The following CEMIP variants were observed in gnomAD, a reference collection of about 807,000 sequenced individuals.
CEMIP encodes cell migration inducing hyaluronidase 1.
Under a neutral mutation model 156.9 loss-of-function variants are expected in CEMIP, and 105 were observed. The ratio of observed to expected loss-of-function variants is 0.67; its 90% CI spans 0.57 to 0.79. The LOEUF (loss-of-function observed/expected upper bound fraction) is 0.79. Ranked by LOEUF, CEMIP falls within the 30% of genes least tolerant of loss-of-function variation. The pLI is 0.00. For synonymous variants in CEMIP, 676 were observed against 668.4 expected, an observed-to-expected ratio of 1.01 and a Z score of -0.17; for missense variants, 1,457 against 1,769.4, an observed-to-expected ratio of 0.82 and a Z score of 3.17.
Position 80,906,857 on chromosome 15 carries a change from G to C in CEMIP, c.1587+19G>C, listed in dbSNP as rs1899829369. The C allele has an allele frequency of 6.2e-7, 1 of 1,600,318 alleles. No homozygotes were observed. Among genetic ancestry groups the C allele is most frequent in the African/African-American group, 1.3e-5 (1 of 74,754 alleles). On this transcript the variant is annotated intron_variant, in intron 13 of 29. Coordinates refer to ENST00000394685, the MANE Select transcript of CEMIP (RefSeq NM_001293298.2). This position sits in a 1 kb window ranked among gnomAD's most constrained non-coding sequence, Gnocchi z 4.3. ...CATCAAGGTATGTGTCTCTCTGGCA[G>C]AGTCTTTCAACCCAACCAGGAGAGT...
intron 8 of CEMIP, 92 bp downstream of exon 8, chr15:80,887,856 G>A: frequency 1.9e-6 from 2 of 1,068,076 alleles, no homozygotes; most frequent in South Asian, 1.3e-5. Flanking sequence ...TTTTCTCAGA[G>A]CATGGCTTCC....
chr15:80,861,690 G>T (rs905645926), intron 1 of CEMIP, among the ~76,000 whole-genome samples: 5 of 152,218 alleles, frequency 3.3e-5, no homozygotes, highest in Non-Finnish European at 7.3e-5. Context: ...GAAACAAGTA[G>T]GCACACATAG....
intron 1 of CEMIP, among the ~76,000 whole-genome samples, chr15:80,827,361 C>T (rs1039591524): frequency 1.3e-5 from 2 of 152,158 alleles, no homozygotes; most frequent in African/African-American, 4.8e-5. Flanking sequence ...AAGTCAACGA[C>T]CTGCACAGCA....
chr15:80,880,803 G>A, intron 5 of CEMIP, 97 bp from the exon 6 acceptor site: 1 of 963,600 alleles, frequency 1.0e-6, no homozygotes, highest in Non-Finnish European at 1.7e-6. Flanking sequence ...GTGGTGGGGG[G>A]TCAGGGAGCT....
intron 18 of CEMIP, 62 bp from the exon 19 acceptor site, chr15:80,925,562 G>C: frequency 5.0e-6 from 8 of 1,599,832 alleles, no homozygotes; most frequent in Non-Finnish European, 6.8e-6. Flanking sequence ...AGCCCAGAAG[G>C]GAGTCAGCAG....
At chr15:80,795,526 C>T (rs1484336555) in intron 1 of CEMIP, among the ~76,000 whole-genome samples, 3 of 152,044 alleles carry the variant, frequency 2.0e-5, no homozygotes, top group African/African-American at 7.2e-5. Context: ...GTGGGATGAG[C>T]ATCTAGGTGG....
At position 80,942,994 on chromosome 15, in the gene CEMIP, T is replaced by C. The variant is rs749534464; in HGVS notation, c.3749T>C (p.Val1250Ala). ...PSSEDGIQVV[V>A]IDGNQGRVVS... is the part of the protein sequence containing the mutation. ...TCGGAGGATGGCATCCAGGTGGTGG[T>C]GATTGACGGGAACCAAGGGCGCGTG... Residue 1250 changes from valine (V) to alanine (A), a missense_variant, in exon 28 of 30, where the codon GTG (valine) becomes GCG (alanine). By Grantham distance (64) the Val-to-Ala change is moderately conservative. Around this residue, in one of 5 missense-constraint regions of CEMIP, gnomAD observed 798 missense variants for 980.1 expected, o/e 0.81. Coordinates refer to ENST00000394685, the MANE Select transcript of CEMIP (RefSeq NM_001293298.2). 2.5e-6 allele frequency: 4 copies of C among 1,614,164 alleles called. No homozygotes were observed. In the Admixed American group the frequency reaches 5.0e-5, roughly 20 times the overall value.
intron 19 of CEMIP, 114 bp from the exon 20 acceptor site, chr15:80,928,787 TC>T: frequency 1.5e-6 from 2 of 1,306,446 alleles, no homozygotes; most frequent in South Asian, 2.4e-5. Context: ...AGAGACTCCT[TC>T]CTCTGCACGG....
At chr15:80,938,140 G>A (rs111389974) in intron 25 of CEMIP, 161 bp downstream of exon 25, 23 of 638,812 alleles carry the variant, frequency 3.6e-5, no homozygotes, top group South Asian at 3.5e-4. Flanking sequence ...ATACATTAAC[G>A]ACATTTTTAA....
chr15:80,905,280 T>A (rs1477537105), intron 12 of CEMIP, among the ~76,000 whole-genome samples: 1 of 151,706 alleles, frequency 6.6e-6, no homozygotes, highest in Admixed American at 6.6e-5. Flanking sequence ...ACATGGGAGG[T>A]TACTGCTGTC....
rs368277774 is a variant in CEMIP, at chr15:80,896,036, G to A, written c.1387G>A (p.Ala463Thr). 593 of 1,614,032 alleles carry A rather than the reference G, an allele frequency of 3.7e-4. 6 individuals are homozygous for A. The South Asian group carries it at 5.6e-3, about 15-fold the overall frequency. The change falls in exon 12 of 30, where the codon GCC (alanine) becomes ACC (threonine). Residue 463 changes from alanine (A) to threonine (T), a missense_variant. Transcript: ENST00000394685. ...CCAGGTGCTTCCCTGCAGATCCTGC[G>A]CCCCCAACCAGGTCAAAGTGGCAGG... ...EFQVLPCRSC[A>T]PNQVKVAGKP...
At position 80,873,886 on chromosome 15, in the gene CEMIP, G is replaced by A; in HGVS notation, c.7G>A (p.Ala3Thr). The change falls in exon 3 of 30, where the codon GCT becomes ACT. Residue 3 changes from alanine (A) to threonine (T), a missense_variant. Coordinates refer to ENST00000394685, the MANE Select transcript of CEMIP (RefSeq NM_001293298.2). Reference sequence around the variant, plus strand: ...CAGGGAGCACACTGCCAGGATGGGAGCTGCTGGGAGGCAGGACTTCCTCTT... The same window carrying A: ...CAGGGAGCACACTGCCAGGATGGGAACTGCTGGGAGGCAGGACTTCCTCTT... MG[A>T]AGRQDFLFKA... 6.3e-7 allele frequency: 1 copy of A among 1,577,618 alleles called. No homozygotes were observed. Among genetic ancestry groups the A allele is most frequent in the Non-Finnish European group, 8.6e-7 (1 of 1,159,956 alleles).
chr15:80,869,969 A>G lies in CEMIP; in HGVS notation c.-175-3569A>G, dbSNP rs143173520. Among the ~76,000 whole-genome samples the G allele has an allele frequency of 5.8e-3, 881 of 152,304 alleles. 14 individuals are homozygous for G. The highest frequency in any genetic ancestry group is 0.016 in the African/African-American group (682 of 41,552). On this transcript the variant is annotated intron_variant, in intron 1 of 29. Transcript: ENST00000394685. ...TCTTTCATGCCATGGACTGTCCTTG[A>G]TATCAAGAGCCCTCATGGCTTGAGC...
chr15:80,824,925 T>A (rs1177674425), intron 1 of CEMIP, among the ~76,000 whole-genome samples: 1 of 152,172 alleles, frequency 6.6e-6, no homozygotes, highest in Non-Finnish European at 1.5e-5. Flanking sequence ...AGAAGCAGTG[T>A]TTTCCTATGT....
rs144494474 is a variant in CEMIP at position 80,847,084 on chromosome 15, G to A, written c.-175-26454G>A. Among the ~76,000 whole-genome samples the A allele has an allele frequency of 5.9e-5, 9 of 152,270 alleles. No homozygotes were observed. The East Asian group carries it at 1.2e-3, about 20-fold the overall frequency. On this transcript the variant is annotated intron_variant, in intron 1 of 29. Transcript: ENST00000394685. ...GCAGGACAGGGTCTCGCTGTGCCAC[G>A]CAGGCTGGAGTGCAGTGGCACAATC...
intron 1 of CEMIP, among the ~76,000 whole-genome samples, chr15:80,802,296 G>C (rs1567052508): frequency 6.6e-6 from 1 of 152,242 alleles, no homozygotes; most frequent in Non-Finnish European, 1.5e-5. Context: ...AATCATGGCT[G>C]CATGTCCTGA....
chr15:80,865,650 C>CTT (rs60777440), intron 1 of CEMIP, among the ~76,000 whole-genome samples: 2,907 of 134,506 alleles, frequency 0.022, 122 homozygotes, highest in African/African-American at 0.077. Flanking sequence ...ATGCACAGCC[C>CTT]TTTTTTTTTT....
intron 7 of CEMIP, among the ~76,000 whole-genome samples, chr15:80,884,987 G>A (rs4778863): frequency 0.54 from 82,435 of 151,924 alleles, 23,306 homozygotes; most frequent in East Asian, 0.94. Context: ...CGTGTGCCGC[G>A]ATGGTTTGCT....
chr15:80,853,888 C>A (rs572178153), intron 1 of CEMIP, among the ~76,000 whole-genome samples: 49 of 152,368 alleles, frequency 3.2e-4, no homozygotes, highest in Middle Eastern at 6.8e-3. Flanking sequence ...GAATTGAGAC[C>A]TTGCTTTGAA....
Sources: gnomAD v4.1 joint callset for allele counts (sites outside exome capture counted in the v4.1 genomes callset) on GRCh38, gnomAD v4.1.1 for gene constraint, gnomAD v4.1.1 regional missense constraint, Gnocchi (gnomAD v3.1) non-coding constraint, MANE v1.5 for transcripts, NCBI Gene and HGNC (gene_info 2026-07-23, HGNC 2026-07-21) for gene names.